MYO16: variants seen among roughly 807,000 people sequenced by gnomAD.
The protein encoded by MYO16 is myosin XVI.
In MYO16, 94 loss-of-function variants were observed where a neutral mutation model predicts 205.3. The ratio of observed to expected loss-of-function variants is 0.46; its 90% confidence interval spans 0.39 to 0.54. MYO16 has a LOEUF of 0.54. Ranked by LOEUF, MYO16 falls within the 20% of genes least tolerant of loss-of-function variation. The pLI is 0.00. For synonymous variants in MYO16, 988 were observed against 954.0 expected (o/e 1.04, Z -0.66); for missense variants, 2,315 against 2,387.5 (o/e 0.97, Z 0.63).
chr13:108,763,422 A>G (rs1038308233), intron 4 of MYO16, among the ~76,000 whole-genome samples: 1 of 152,196 alleles, frequency 6.6e-6, no homozygotes, highest in Non-Finnish European at 1.5e-5. Context: ...TTGCAGGGGA[A>G]ATCTGCAGGT....
chr13:108,772,258 C>G (rs930777540), intron 4 of MYO16, among the ~76,000 whole-genome samples: 1 of 152,056 alleles, frequency 6.6e-6, no homozygotes, highest in Non-Finnish European at 1.5e-5. Flanking sequence ...ACTTGGGAGG[C>G]TGAGGCAGGA....
At chr13:109,022,222 A>T (rs1419896858) in intron 23 of MYO16, among the ~76,000 whole-genome samples, 1 of 134,306 alleles carries the variant, frequency 7.4e-6, no homozygotes, top group Non-Finnish European at 1.5e-5. Context: ...TTATATTTAT[A>T]TATTATATAT....
chr13:109,185,398 T>TA lies in MYO16; in HGVS notation c.5415+5777dup, dbSNP rs539966453. ...TGCTGCCTGGAATACTGTAGGTGCTTAAAAAAAAAAAAGCTAAAAGCTTAC... is the reference window on the plus strand; with the variant it reads ...TGCTGCCTGGAATACTGTAGGTGCTTAAAAAAAAAAAAAGCTAAAAGCTTAC... On this transcript the variant is annotated intron_variant, in intron 34 of 34. Transcript: ENST00000457511. Among the ~76,000 whole-genome samples, 367 of 148,872 alleles carry TA rather than the reference T, an allele frequency of 2.5e-3. 2 individuals are homozygous for TA. The highest frequency in any genetic ancestry group is 4.2e-3 in the Non-Finnish European group (281 of 66,750).
intron 5 of MYO16, 95 bp downstream of exon 5, chr13:108,785,838 G>A: frequency 1.2e-6 from 1 of 804,260 alleles, no homozygotes; most frequent in Non-Finnish European, 2.0e-6. Context: ...GATTTCCGAT[G>A]GATGTAGTTT....
At chr13:108,889,509 T>C (rs1472714180) in intron 14 of MYO16, among the ~76,000 whole-genome samples, 1 of 152,060 alleles carries the variant, frequency 6.6e-6, no homozygotes, top group Non-Finnish European at 1.5e-5. Flanking sequence ...GAAGAAGACA[T>C]TGAAAGGCCA....
At chr13:108,853,596 ATTTTTTT>A (rs35080410) in intron 10 of MYO16, among the ~76,000 whole-genome samples, 1 of 130,276 alleles carries the variant, frequency 7.7e-6, no homozygotes, top group South Asian at 2.6e-4. Flanking sequence ...TGAGATCTAG[ATTTTTTT>A]TTTTTTTTTT....
In MYO16 at chr13:108,961,393, C is replaced by G. The variant is rs931153554; in HGVS notation, c.2038-146C>G. Reference sequence around the variant, plus strand: ...AGGTAGAGACTGGTAGTTTTCTTGCCATATCGAACATTTGGGATCTGCAAA... The same window carrying G: ...AGGTAGAGACTGGTAGTTTTCTTGCGATATCGAACATTTGGGATCTGCAAA... On this transcript the variant is annotated intron_variant, in intron 17 of 34. Transcript: ENST00000457511. 3 of 597,986 alleles carry G rather than the reference C, an allele frequency of 5.0e-6. No homozygotes were observed. In the African/African-American group the frequency reaches 5.5e-5, roughly 11 times the overall value. 37.0% of individuals were successfully genotyped at this position (597,986 alleles called of 1,614,324 possible). A position where few individuals can be genotyped will look rare whatever the true frequency, so the allele number is the denominator to read the frequency against.
chr13:108,529,928 T>C, the MYO16 span, among the ~76,000 whole-genome samples: 1 of 152,200 alleles, frequency 6.6e-6, no homozygotes, highest in Non-Finnish European at 1.5e-5. Flanking sequence ...GTGGGGGATT[T>C]GATTGAAGAA....
At chr13:109,054,357 G>A in intron 25 of MYO16, 1 of 360,278 alleles carries the variant, frequency 2.8e-6, no homozygotes, top group South Asian at 2.1e-5. Context: ...GGAAGAGGAG[G>A]AAAGGGAAGA....
chr13:108,879,568 G>A (rs936949775), intron 12 of MYO16, among the ~76,000 whole-genome samples: 14 of 152,148 alleles, frequency 9.2e-5, no homozygotes, highest in African/African-American at 2.9e-4. Context: ...GTGTCCAAGC[G>A]TTCTCACTGT....
At chr13:108,841,924 G>A (rs1056637832) in intron 9 of MYO16, among the ~76,000 whole-genome samples, 2 of 152,022 alleles carry the variant, frequency 1.3e-5, no homozygotes, top group Non-Finnish European at 2.9e-5. Flanking sequence ...ATAAACCCAA[G>A]CATATATTGT....
chr13:108,741,906 G>A (rs1393602156), intron 4 of MYO16, among the ~76,000 whole-genome samples: 1 of 152,110 alleles, frequency 6.6e-6, no homozygotes, highest in Non-Finnish European at 1.5e-5. Flanking sequence ...TGTTGAATAG[G>A]GCTTTGCAGA....
intron 1 of MYO16, among the ~76,000 whole-genome samples, chr13:108,644,938 C>T (rs140238397): frequency 1.3e-3 from 200 of 152,184 alleles, no homozygotes; most frequent in African/African-American, 4.0e-3. Flanking sequence ...AGGATAATAC[C>T]AGCAGCATTC....
chr13:108,563,147 A>T, the MYO16 span, among the ~76,000 whole-genome samples: 1,612 of 152,244 alleles, frequency 0.011, 22 homozygotes, highest in Non-Finnish European at 0.013. Flanking sequence ...AAAAATCTTA[A>T]TTTTTTAATG....
chr13:108,726,270 T>C (rs1321434092), intron 3 of MYO16, among the ~76,000 whole-genome samples: 1 of 152,170 alleles, frequency 6.6e-6, no homozygotes, highest in African/African-American at 2.4e-5. Flanking sequence ...ATATGAAAGA[T>C]ACTCGTAAGG....
chr13:108,588,066 C>T, the MYO16 span, among the ~76,000 whole-genome samples: 1 of 151,406 alleles, frequency 6.6e-6, no homozygotes, highest in African/African-American at 2.4e-5. Context: ...TTATTAATAC[C>T]ATTTCTTAGG....
intron 11 of MYO16, among the ~76,000 whole-genome samples, chr13:108,860,436 G>A (rs1045574911): frequency 3.3e-5 from 5 of 152,122 alleles, no homozygotes; most frequent in African/African-American, 1.2e-4. Flanking sequence ...TTGATTCTAT[G>A]TCTTTGCTAT....
chr13:108,747,308 C>A (rs1437645372), intron 4 of MYO16, among the ~76,000 whole-genome samples: 2 of 126,900 alleles, frequency 1.6e-5, no homozygotes, highest in Non-Finnish European at 3.6e-5. Flanking sequence ...CTAAAAATGT[C>A]TATTTAAAGT....
At chr13:108,832,731 GTA>G (rs1411764358) in intron 9 of MYO16, among the ~76,000 whole-genome samples, 2 of 152,048 alleles carry the variant, frequency 1.3e-5, no homozygotes, top group Non-Finnish European at 2.9e-5. Flanking sequence ...AATCATATTT[GTA>G]TATAGTCTTT....
Sources: gnomAD v4.1 joint callset for allele counts (sites outside exome capture counted in the v4.1 genomes callset) on GRCh38, gnomAD v4.1.1 for gene constraint, MANE v1.5 for transcripts, NCBI Gene and HGNC (gene_info 2026-07-23, HGNC 2026-07-21) for gene names.